The following CLEC2A variants were observed in gnomAD, a reference collection of about 807,000 sequenced individuals.
The protein encoded by CLEC2A is C-type lectin domain family 2 member A.
In CLEC2A, 19 loss-of-function variants were observed where a neutral mutation model predicts 18.6. The ratio of observed to expected loss-of-function variants is 1.02; its 90% CI spans 0.71 to 1.50. The LOEUF (loss-of-function observed/expected upper bound fraction) is 1.50. CLEC2A is among the 40% of genes most tolerant of loss of function. The pLI is 0.00. For synonymous variants in CLEC2A, 74 were observed against 64.0 expected (o/e 1.16, Z -0.75); for missense variants, 190 against 207.9 (o/e 0.91, Z 0.53).
At chr12:9,907,203 C>T (rs1862918694) in intron 4 of CLEC2A, among the ~76,000 whole-genome samples, 1 of 152,086 alleles carries the variant, frequency 6.6e-6, no homozygotes, top group Non-Finnish European at 1.5e-5. Context: ...CTAAAGCCAC[C>T]CCATTATTCA....
At chr12:9,908,914 C>T (rs73255405), downstream of CLEC2A, among the ~76,000 whole-genome samples, 9,062 of 152,206 alleles carry the variant, frequency 0.06, 402 homozygotes, top group African/African-American at 0.13. Flanking sequence ...TTGGAGCCCC[C>T]TGTTGATAGG....
At chr12:9,918,528 A>G (rs111560268) in intron 3 of CLEC2A, among the ~76,000 whole-genome samples, 227 of 152,348 alleles carry the variant, frequency 1.5e-3, no homozygotes, top group African/African-American at 5.3e-3. Context: ...GCAGTCAGGT[A>G]ACATGATGCT....
chr12:9,894,244 T>C (rs1862728271), downstream of CLEC2A, among the ~76,000 whole-genome samples: 1 of 151,202 alleles, frequency 6.6e-6, no homozygotes, highest in African/African-American at 2.4e-5. Flanking sequence ...TGCAGTGGCA[T>C]GATCGTGGCT....
In CLEC2A at chr12:9,926,286, A is replaced by G. The variant is rs760735113; in HGVS notation, c.113T>C (p.Ile38Thr). 1 of 1,548,280 alleles carries G rather than the reference A, an allele frequency of 6.5e-7. No individual in the cohort carries two copies. The highest frequency in any genetic ancestry group is 8.7e-7 in the Non-Finnish European group (1 of 1,144,166). Residue 38 changes from isoleucine to threonine, a missense_variant, in exon 2 of 5, where the codon ATT becomes ACT. Ile to Thr is a moderately conservative substitution (Grantham distance 89). Coordinates refer to ENST00000455827, the MANE Select transcript of CLEC2A (RefSeq NM_001130711.2). Reference protein sequence around the residue: ...IGLMCFLSIIITTVCIIMIAT... With the variant: ...IGLMCFLSIITTTVCIIMIAT... ...TATCATAATAATGCAAACTGTAGTA[A>G]TAATAATACTCAGGAAGCACATAAG...
chr12:9,905,462 G>A (rs1260932121), intron 4 of CLEC2A, among the ~76,000 whole-genome samples: 1 of 152,210 alleles, frequency 6.6e-6, no homozygotes, highest in Admixed American at 6.5e-5. Context: ...TGAGGAATTG[G>A]TCTTTAGTTT....
chr12:9,895,197 C>T (rs905639627), downstream of CLEC2A, among the ~76,000 whole-genome samples: 5 of 152,328 alleles, frequency 3.3e-5, no homozygotes, highest in Admixed American at 2.6e-4. Context: ...ATACCTATCA[C>T]TATGTAGTTT....
intron 3 of CLEC2A, among the ~76,000 whole-genome samples, chr12:9,921,340 G>T (rs1036859734): frequency 1.3e-5 from 2 of 152,064 alleles, no homozygotes; most frequent in African/African-American, 4.8e-5. Flanking sequence ...GCTAATTCTA[G>T]CACTTTGGGA....
At chr12:9,900,612 T>C (rs1209801520) in intron 4 of CLEC2A, among the ~76,000 whole-genome samples, 4 of 152,174 alleles carry the variant, frequency 2.6e-5, no homozygotes, top group Non-Finnish European at 5.9e-5. Flanking sequence ...GTCATGGGTT[T>C]GCATCCTCAA....
intron 3 of CLEC2A, among the ~76,000 whole-genome samples, chr12:9,918,764 C>T (rs1339514000): frequency 6.6e-6 from 1 of 152,158 alleles, no homozygotes; most frequent in African/African-American, 2.4e-5. Context: ...AAACATATGA[C>T]ACTCTGACTA....
Position 9,902,375 on chromosome 12 carries a change from G to A in CLEC2A, c.411-3399C>T, listed in dbSNP as rs535592479. 3.3e-5 allele frequency among the ~76,000 whole-genome samples: 5 copies of A among 151,886 alleles called. No homozygotes were observed. In the South Asian group the frequency reaches 1.0e-3, roughly 32 times the overall value. On this transcript the variant is annotated intron_variant, in intron 4 of 4. Transcript: ENST00000339766. The stretch of plus-strand genomic sequence containing the variant: ...CAGCCCCCAAGTAGCTGGAATTACA[G>A]GTGTGCACCATTGCGCCTGGTTAAT...
At chr12:9,886,903 G>A in the CLEC2A span, among the ~76,000 whole-genome samples, 1 of 152,116 alleles carries the variant, frequency 6.6e-6, no homozygotes, top group Admixed American at 6.6e-5. Flanking sequence ...TGGAGTGAGA[G>A]AGGGGAGTAG....
chr12:9,927,183 C>T (rs551624998), intron 1 of CLEC2A, among the ~76,000 whole-genome samples: 2 of 152,196 alleles, frequency 1.3e-5, no homozygotes, highest in African/African-American at 4.8e-5. Context: ...AACACCTAGG[C>T]TATATATTAC....
the CLEC2A span, among the ~76,000 whole-genome samples, chr12:9,889,049 A>C: frequency 6.6e-6 from 1 of 152,172 alleles, no homozygotes; most frequent in Non-Finnish European, 1.5e-5. Flanking sequence ...GCCATACCTA[A>C]CTTGCCAAAT....
chr12:9,927,213 A>G (rs1269866821), intron 1 of CLEC2A, among the ~76,000 whole-genome samples: 2 of 152,234 alleles, frequency 1.3e-5, no homozygotes, highest in African/African-American at 4.8e-5. Context: ...CTCCTAGACT[A>G]CAAAACTGGA....
rs141684316 is a variant in CLEC2A, at chr12:9,902,919, G to A, written c.411-3943C>T. On this transcript the variant is annotated intron_variant, in intron 4 of 4. Transcript: ENST00000339766. Reference sequence around the variant, plus strand: ...TAAACTTTCTATATAAGGTAGACACGTGTTGGGGGAGAAGGAGGGAAGGGA... The same window carrying A: ...TAAACTTTCTATATAAGGTAGACACATGTTGGGGGAGAAGGAGGGAAGGGA... 1.0e-3 allele frequency among the ~76,000 whole-genome samples: 157 copies of A among 152,250 alleles called. 1 individual carries two copies. Among genetic ancestry groups the A allele is most frequent in the African/African-American group, 3.3e-3 (139 of 41,536 alleles).
intron 3 of CLEC2A, among the ~76,000 whole-genome samples, 163 bp from the exon 4 acceptor site, chr12:9,916,966 GT>G (rs1284464959): frequency 6.6e-6 from 1 of 152,136 alleles, no homozygotes; most frequent in Non-Finnish European, 1.5e-5. Flanking sequence ...GTTTGGGTTA[GT>G]TTTATCAGAA....
the CLEC2A span, among the ~76,000 whole-genome samples, chr12:9,885,696 T>A: frequency 6.6e-6 from 1 of 151,944 alleles, no homozygotes; most frequent in Non-Finnish European, 1.5e-5. Context: ...CAAGGGAAAA[T>A]ATCAGACTTT....
At chr12:9,923,448 G>A (rs1863207039) in intron 2 of CLEC2A, among the ~76,000 whole-genome samples, 1 of 151,754 alleles carries the variant, frequency 6.6e-6, no homozygotes, top group Admixed American at 6.6e-5. Flanking sequence ...GAGAGGATGT[G>A]GAGAAATAGG....
At chr12:9,926,229 C>A in intron 2 of CLEC2A, 31 bp downstream of exon 2, 1 of 1,287,532 alleles carries the variant, frequency 7.8e-7, no homozygotes, top group Non-Finnish European at 1.1e-6. Context: ...GAGTGAAGAA[C>A]CATAGAAAGT....
Sources: allele counts gnomAD v4.1 joint callset (sites outside exome capture counted in the v4.1 genomes callset), GRCh38; gene constraint gnomAD v4.1.1; transcripts MANE v1.5; gene names NCBI Gene and HGNC (gene_info 2026-07-23, HGNC 2026-07-21).